GBE1: variants seen among roughly 807,000 people sequenced by gnomAD.
GBE1 encodes 1,4-alpha-glucan-branching enzyme.
Under a neutral mutation model 88.8 loss-of-function variants are expected in GBE1, and 70 were observed. That is an observed-to-expected ratio of 0.79 (90% CI 0.65 to 0.96). GBE1 has a LOEUF of 0.96. Among genes scored for constraint, GBE1 ranks in the 40% least tolerant of loss-of-function variants. GBE1 has a pLI of 0.00. For synonymous variants in GBE1, 284 were observed against 300.1 expected, an observed-to-expected ratio of 0.95 and a Z score of 0.56; for missense variants, 872 against 871.0, an observed-to-expected ratio of 1.00 and a Z score of -0.01.
intron 2 of GBE1, among the ~76,000 whole-genome samples, chr3:81,692,996 G>A (rs1705543084): frequency 6.6e-6 from 1 of 152,096 alleles, no homozygotes. Flanking sequence ...AAGATATATA[G>A]GACAAATGAT....
At chr3:81,608,682 C>T (rs1277374123) in intron 7 of GBE1, among the ~76,000 whole-genome samples, 1 of 152,132 alleles carries the variant, frequency 6.6e-6, no homozygotes, top group Non-Finnish European at 1.5e-5. Flanking sequence ...TCCCCTTTGG[C>T]TGCTGGCAGT....
At chr3:81,716,472 A>C (rs997080521) in intron 1 of GBE1, among the ~76,000 whole-genome samples, 1 of 152,196 alleles carries the variant, frequency 6.6e-6, no homozygotes, top group African/African-American at 2.4e-5. Flanking sequence ...CACTGCTAAG[A>C]TCTTTCTAGG....
chr3:81,666,851 C>T (rs1189287407), intron 3 of GBE1, among the ~76,000 whole-genome samples: 5 of 152,000 alleles, frequency 3.3e-5, no homozygotes, highest in Non-Finnish European at 7.4e-5. Context: ...GCCTAAAAAG[C>T]ACAGTTAAAT....
chr3:81,755,415 T>G (rs950079576), intron 1 of GBE1, among the ~76,000 whole-genome samples: 2 of 152,022 alleles, frequency 1.3e-5, no homozygotes, highest in African/African-American at 4.8e-5. Context: ...AGTATAGAAG[T>G]TCCTCAAATA....
At chr3:81,568,016 T>G (rs1452901459) in intron 12 of GBE1, among the ~76,000 whole-genome samples, 1 of 152,192 alleles carries the variant, frequency 6.6e-6, no homozygotes, top group Non-Finnish European at 1.5e-5. Flanking sequence ...TTAATTTCCT[T>G]GAATTCCCCC....
At chr3:81,581,544 A>C (rs772858305) in intron 10 of GBE1, among the ~76,000 whole-genome samples, 6 of 151,676 alleles carry the variant, frequency 4.0e-5, no homozygotes, top group African/African-American at 1.5e-4. Context: ...ATATTTTAGG[A>C]TCTTTGCAAC....
chr3:81,572,173 C>T (rs532062122), intron 12 of GBE1, among the ~76,000 whole-genome samples: 3 of 152,256 alleles, frequency 2.0e-5, no homozygotes, highest in South Asian at 4.2e-4. Flanking sequence ...AGGTGCCTTG[C>T]TTCCCCTTCA....
intron 7 of GBE1, among the ~76,000 whole-genome samples, chr3:81,635,662 G>A (rs1453531648): frequency 2.0e-5 from 3 of 152,010 alleles, no homozygotes; most frequent in African/African-American, 4.8e-5. Flanking sequence ...CTTTTAACCT[G>A]CTTATTTAAA....
intron 7 of GBE1, among the ~76,000 whole-genome samples, chr3:81,600,634 T>C (rs942660009): frequency 5.3e-5 from 8 of 152,198 alleles, no homozygotes; most frequent in Non-Finnish European, 1.2e-4. Flanking sequence ...TGACTTTAAA[T>C]ATACTACAAC....
intron 7 of GBE1, among the ~76,000 whole-genome samples, chr3:81,614,456 G>A (rs1290300659): frequency 6.6e-6 from 1 of 152,158 alleles, no homozygotes; most frequent in Non-Finnish European, 1.5e-5. Flanking sequence ...TCTATTTGAG[G>A]CCAGACATGG....
intron 1 of GBE1, among the ~76,000 whole-genome samples, chr3:81,740,380 T>C (rs1217693446): frequency 6.7e-6 from 1 of 148,800 alleles, no homozygotes; most frequent in African/African-American, 2.5e-5. Flanking sequence ...GATCTCTCTC[T>C]TTTTTTTTTA....
At chr3:81,604,359 C>T (rs561348725) in intron 7 of GBE1, among the ~76,000 whole-genome samples, 12 of 139,706 alleles carry the variant, frequency 8.6e-5, no homozygotes, top group African/African-American at 3.3e-4. Flanking sequence ...ACCATCTCAT[C>T]TCACTACATC....
At chr3:81,760,419 T>C (rs1241674414) in intron 1 of GBE1, among the ~76,000 whole-genome samples, 2 of 152,230 alleles carry the variant, frequency 1.3e-5, no homozygotes, top group Admixed American at 6.5e-5. Context: ...AGTTAACTAG[T>C]TGGATGTTTT....
At chr3:81,597,541 C>A (rs1703976594) in intron 7 of GBE1, among the ~76,000 whole-genome samples, 1 of 146,064 alleles carries the variant, frequency 6.8e-6, no homozygotes, top group Non-Finnish European at 1.5e-5. Flanking sequence ...TAAGAAGTAG[C>A]CCATTTTAGC....
At chr3:81,499,308 G>T in intron 14 of GBE1, 81 bp from the exon 15 acceptor site, 1 of 810,128 alleles carries the variant, frequency 1.2e-6, no homozygotes, top group Non-Finnish European at 2.1e-6. Context: ...CAATTTAGAA[G>T]TGAGTTTTTG....
chr3:81,693,778 C>T (rs1408030320), intron 2 of GBE1, among the ~76,000 whole-genome samples: 1 of 151,888 alleles, frequency 6.6e-6, no homozygotes, highest in African/African-American at 2.4e-5. Flanking sequence ...ATATCATATA[C>T]ATATAAACTA....
intron 14 of GBE1, among the ~76,000 whole-genome samples, chr3:81,520,655 T>C (rs1416254452): frequency 6.6e-6 from 1 of 151,640 alleles, no homozygotes; most frequent in Admixed American, 6.6e-5. Context: ...GTGAATATAA[T>C]ACATCAGGAA....
chr3:81,625,447 G>GC (rs1372096708), intron 7 of GBE1, among the ~76,000 whole-genome samples: 1 of 147,240 alleles, frequency 6.8e-6, no homozygotes, highest in Non-Finnish European at 1.5e-5. Context: ...ATCCTGGACT[G>GC]TTTTTTTTTT....
chr3:81,708,231 G>A (rs915984390), intron 1 of GBE1, among the ~76,000 whole-genome samples: 3 of 151,766 alleles, frequency 2.0e-5, no homozygotes, highest in Non-Finnish European at 4.4e-5. Flanking sequence ...GTGATGAAAG[G>A]GCATTTCAAA....
Sources: allele counts gnomAD v4.1 joint callset (sites outside exome capture counted in the v4.1 genomes callset), GRCh38; gene constraint gnomAD v4.1.1; transcripts MANE v1.5; gene names NCBI Gene and HGNC (gene_info 2026-07-23, HGNC 2026-07-21).